Variants in TLN2 observed in about 807,000 individuals in gnomAD.
The protein encoded by TLN2 is talin-2.
In TLN2, 118 loss-of-function variants were observed where a neutral mutation model predicts 294.7. The observed-to-expected ratio is 0.40, with a 90% confidence interval of 0.34 to 0.47. The LOEUF is 0.47. TLN2 is among the 20% of genes least tolerant of loss of function. TLN2 has a pLI of 0.84. For missense variants in TLN2, 3,083 were observed against 3,282.2 expected, an observed-to-expected ratio of 0.94 and a Z score of 1.48; for synonymous variants, 1,431 against 1,304.5, an observed-to-expected ratio of 1.10 and a Z score of -2.09.
At chr15:62,546,717 C>T (rs1047741188) in intron 1 of TLN2, among the ~76,000 whole-genome samples, 5 of 152,190 alleles carry the variant, frequency 3.3e-5, no homozygotes, top group Non-Finnish European at 4.4e-5. Flanking sequence ...TGGTCAGTGG[C>T]CACACAGCGA....
chr15:62,473,915 G>A (rs932155626), intron 1 of TLN2, among the ~76,000 whole-genome samples: 6 of 152,178 alleles, frequency 3.9e-5, no homozygotes, highest in African/African-American at 1.4e-4. Context: ...CCAAAGTGGT[G>A]AAAGCCTGTT....
At chr15:62,402,318 A>C (rs290301) in intron 1 of TLN2, among the ~76,000 whole-genome samples, 96,956 of 152,072 alleles carry the variant, frequency 0.64, 31,840 homozygotes, top group East Asian at 0.82. Context: ...ACCTCCAGCA[A>C]AATCTGGACA....
chr15:62,714,591 G>C (rs920471656), intron 22 of TLN2, among the ~76,000 whole-genome samples: 3 of 152,042 alleles, frequency 2.0e-5, no homozygotes, highest in Non-Finnish European at 4.4e-5. Flanking sequence ...GTATTCATGT[G>C]ATTTTGGTTA....
chr15:62,705,204 A>T (rs1233208959), intron 19 of TLN2, among the ~76,000 whole-genome samples: 1 of 152,248 alleles, frequency 6.6e-6, no homozygotes, highest in East Asian at 1.9e-4. Flanking sequence ...TAGCAGGGAC[A>T]GGCCAGACTT....
chr15:62,535,799 C>T (rs888856101), intron 1 of TLN2, among the ~76,000 whole-genome samples: 11 of 152,112 alleles, frequency 7.2e-5, no homozygotes, highest in South Asian at 2.1e-4. Context: ...ATGATCTGCC[C>T]GCCTCAGCCT....
At chr15:62,827,891 G>A (rs1298339003) in intron 54 of TLN2, 1 of 152,202 alleles carries the variant, frequency 6.6e-6, no homozygotes, top group Non-Finnish European at 1.5e-5. Flanking sequence ...AGGCTTAGAA[G>A]ATGAATGAAT....
chr15:62,654,463 G>GT lies in TLN2; in HGVS notation c.517+1150dup, dbSNP rs536048301. Among the ~76,000 whole-genome samples, 189 of 152,190 alleles carry GT rather than the reference G, an allele frequency of 1.2e-3. 3 individuals are homozygous for GT. In the South Asian group the frequency reaches 0.023, roughly 19 times the overall value. On this transcript the variant is annotated intron_variant, in intron 7 of 58. Transcript: ENST00000636159. ...ATTATTTCCTTAGGAGTTAAAAATA[G>GT]TAATAGTTGGTTGCACGTGGTGGCT...
rs1472783969 is a variant in TLN2, at chr15:62,771,015, G to A, written c.5248G>A (p.Val1750Met). The change falls in exon 42 of 59, where the codon GTG (valine) becomes ATG (methionine). Residue 1750 changes from valine (V) to methionine (M), a missense_variant. Val to Met is a conservative substitution (Grantham distance 21). Transcript: ENST00000636159. Reference sequence around the variant, plus strand: ...GCCCTTGATCTTAGCCGCAGTTGGTGTGGCCTCCAAGATTCTTGATCATCA... The same window carrying A: ...GCCCTTGATCTTAGCCGCAGTTGGTATGGCCTCCAAGATTCTTGATCATCA... ...FEPLILAAVG[V>M]ASKILDHQQQ... 6.2e-7 allele frequency: 1 copy of A among 1,611,960 alleles called. No individual in the cohort carries two copies. The highest frequency in any genetic ancestry group is 1.7e-5 in the Admixed American group (1 of 59,784).
At chr15:62,428,912 G>T (rs1595782262) in intron 1 of TLN2, among the ~76,000 whole-genome samples, 1 of 152,024 alleles carries the variant, frequency 6.6e-6, no homozygotes, top group Non-Finnish European at 1.5e-5. Flanking sequence ...GAATCACCTG[G>T]GACGGCTTTG....
rs187338402 is a variant in TLN2, at chr15:62,603,210, C to T, written c.-162+13448C>T. ...CCCGGCCGAGGCGTTTGGTTTTACC[C>T]CAGTTCTCTCTCCATCCTGTTTTCT... On this transcript the variant is annotated intron_variant, in intron 2 of 58. Coordinates refer to ENST00000636159, the MANE Select transcript of TLN2 (RefSeq NM_015059.3). Among the ~76,000 whole-genome samples, 381 of 152,204 alleles carry T rather than the reference C, an allele frequency of 2.5e-3. 3 individuals are homozygous for T. The highest frequency in any genetic ancestry group is 8.7e-3 in the African/African-American group (360 of 41,542).
intron 45 of TLN2, among the ~76,000 whole-genome samples, chr15:62,785,382 G>A (rs998944074): frequency 1.3e-5 from 2 of 152,206 alleles, no homozygotes; most frequent in African/African-American, 4.8e-5. Context: ...AAAAGGAAAA[G>A]TGGGCTGGGC....
At chr15:62,532,782 A>G (rs1331035913) in intron 1 of TLN2, among the ~76,000 whole-genome samples, 2 of 152,154 alleles carry the variant, frequency 1.3e-5, no homozygotes, top group Non-Finnish European at 2.9e-5. Context: ...GACCTTGGGT[A>G]AGAATTCCAC....
intron 1 of TLN2, among the ~76,000 whole-genome samples, chr15:62,429,368 C>T (rs572361993): frequency 2.3e-3 from 355 of 152,204 alleles, no homozygotes; most frequent in Admixed American, 6.0e-3. Flanking sequence ...CTTCGAAAAT[C>T]GAAAGACTTA....
intron 42 of TLN2, among the ~76,000 whole-genome samples, chr15:62,771,986 T>A (rs1595938307): frequency 6.6e-6 from 1 of 152,226 alleles, no homozygotes; most frequent in East Asian, 1.9e-4. Flanking sequence ...TGAGATCATG[T>A]CTTACTGTAT....
At chr15:62,427,144 G>A (rs887063795) in intron 1 of TLN2, among the ~76,000 whole-genome samples, 5 of 152,156 alleles carry the variant, frequency 3.3e-5, no homozygotes, top group African/African-American at 1.2e-4. Flanking sequence ...TCAGTGATGG[G>A]CAGGGAGGGT....
chr15:62,590,979 ATTT>A (rs66464929), intron 2 of TLN2, among the ~76,000 whole-genome samples: 2 of 143,434 alleles, frequency 1.4e-5, no homozygotes, highest in African/African-American at 5.0e-5. Context: ...ACCTATTTCT[ATTT>A]TTTTTTTTTG....
intron 34 of TLN2, among the ~76,000 whole-genome samples, chr15:62,751,640 C>T (rs867537366): frequency 3.3e-5 from 5 of 152,158 alleles, no homozygotes. Flanking sequence ...GAAAATATGA[C>T]CAGCCCTCCT....
In TLN2 at chr15:62,815,782, G is replaced by A. The variant is rs569986690; in HGVS notation, c.6772-3734G>A. ...ATCCATGTACCCATCATCTATGATT[G>A]ACTAATTTTGTTAACAGTTTATCCT... On this transcript the variant is annotated intron_variant, in intron 52 of 58. Transcript: ENST00000636159. Among the ~76,000 whole-genome samples, 135 of 152,272 alleles carry A rather than the reference G, an allele frequency of 8.9e-4. 2 individuals carry two copies. The South Asian group carries it at 0.017, about 19-fold the overall frequency.
intron 1 of TLN2, among the ~76,000 whole-genome samples, chr15:62,588,691 TA>T (rs1567150801): frequency 0.01 from 1,338 of 132,594 alleles, 28 homozygotes; most frequent in African/African-American, 0.038. Flanking sequence ...TATATATATA[TA>T]TATATATATA....
Sources: gnomAD v4.1 joint callset for allele counts (sites outside exome capture counted in the v4.1 genomes callset) on GRCh38, gnomAD v4.1.1 for gene constraint, MANE v1.5 for transcripts, NCBI Gene and HGNC (gene_info 2026-07-23, HGNC 2026-07-21) for gene names.